The following CD163 variants were observed in gnomAD, a reference collection of about 807,000 sequenced individuals.
CD163 encodes CD163 molecule, also known as scavenger receptor cysteine-rich type 1 protein M130.
A neutral mutation model predicts 129.2 loss-of-function variants in CD163; 64 were observed. The ratio of observed to expected loss-of-function variants is 0.50; its 90% CI spans 0.41 to 0.61. CD163 has a LOEUF of 0.61. Ranked by LOEUF, CD163 falls within the 20% of genes least tolerant of loss-of-function variation. The pLI, the probability that CD163 is intolerant of heterozygous loss-of-function variation, is 0.00. For synonymous variants in CD163, 446 were observed against 478.5 expected, an observed-to-expected ratio of 0.93 and a Z score of 0.89; for missense variants, 1,061 against 1,377.9, an observed-to-expected ratio of 0.77 and a Z score of 3.64.
At chr12:7,484,639 C>CAAA (rs10690784) in intron 11 of CD163, among the ~76,000 whole-genome samples, 4,516 of 99,722 alleles carry the variant, frequency 0.045, 220 homozygotes, top group Middle Eastern at 0.066. Flanking sequence ...AACTCTGTCT[C>CAAA]AAAAAAAAAA....
Position 7,481,190 on chromosome 12 carries a change from G to T in CD163, c.3314C>A (p.Ala1105Glu). 1.9e-6 allele frequency: 3 copies of T among 1,613,818 alleles called. No individual in the cohort carries two copies. Among genetic ancestry groups the T allele is most frequent in the Non-Finnish European group, 2.5e-6 (3 of 1,179,834 alleles). ...GGAATTCATTAGGTCCAGATCATCT[G>T]CATTCAGGCAAGAATTCATCTCCCG... ...QYREMNSCLN[A>E]DDLDLMNSSG... The change falls in exon 15 of 17, where the codon GCA becomes GAA. Residue 1105 changes from alanine to glutamate, a missense_variant. By Grantham distance (107) the Ala-to-Glu change is moderately radical (BLOSUM62 -1). Transcript: ENST00000432237.
intron 16 of CD163, among the ~76,000 whole-genome samples, chr12:7,478,946 G>A (rs1050499402): frequency 9.9e-5 from 15 of 151,904 alleles, no homozygotes; most frequent in African/African-American, 3.1e-4. Context: ...TTCTCTTGAT[G>A]TATAGCTTAA....
Position 7,487,082 on chromosome 12 carries a change from G to A in CD163, c.2051-96C>T, listed in dbSNP as rs149375865. 1 of 969,580 alleles carries A rather than the reference G, an allele frequency of 1.0e-6. No homozygotes were observed. The highest frequency in any genetic ancestry group is 1.6e-5 in the South Asian group (1 of 63,804). 60.1% of individuals were successfully genotyped at this position (969,580 alleles called of 1,614,324 possible). A position where few individuals can be genotyped will look rare whatever the true frequency, so the allele number is the denominator to read the frequency against. ...ATGAGTTGAGGACAAACATAGCTTA[G>A]AGAGAGAGGGGAAGGTGGATGGTCA... On this transcript the variant is annotated intron_variant, in intron 8 of 16. Transcript: ENST00000432237. This position sits in a 1 kb window ranked among gnomAD's most constrained non-coding sequence, Gnocchi z 5.1.
chr12:7,501,488 T>C, intron 2 of CD163, 26 bp from the exon 3 acceptor site: 3 of 1,575,064 alleles, frequency 1.9e-6, no homozygotes, highest in Non-Finnish European at 2.6e-6. Context: ...AAGACAGTAA[T>C]TGGCCAAGGT....
intron 3 of CD163, among the ~76,000 whole-genome samples, chr12:7,500,596 T>A (rs2136744511): frequency 6.6e-6 from 1 of 152,254 alleles, no homozygotes; most frequent in South Asian, 2.1e-4. Flanking sequence ...TTTTGTAAAT[T>A]AAAAGCACAA....
chr12:7,475,166 A>G (rs1293594121), intron 16 of CD163, among the ~76,000 whole-genome samples: 2 of 151,864 alleles, frequency 1.3e-5, no homozygotes, highest in Non-Finnish European at 2.9e-5. Context: ...GGTACAAAGA[A>G]GAGCAAATAC....
chr12:7,487,735 AG>A lies in CD163; in HGVS notation c.1735+37del. ...GACTCCCTAACCCTGTCCCTTTCAC[AG>A]TATGAGAACCAATTAAAGATGTTTT... On this transcript the variant is annotated intron_variant, in intron 7 of 16. Transcript: ENST00000432237. This position sits in a 1 kb window ranked among gnomAD's most constrained non-coding sequence, Gnocchi z 5.1. 3 of 1,614,044 alleles carry A rather than the reference AG, an allele frequency of 1.9e-6. No homozygotes were observed. Among genetic ancestry groups the A allele is most frequent in the Non-Finnish European group, 1.7e-6 (2 of 1,180,016 alleles).
intron 16 of CD163, among the ~76,000 whole-genome samples, chr12:7,479,571 A>G (rs1242996464): frequency 6.6e-6 from 1 of 152,082 alleles, no homozygotes; most frequent in Non-Finnish European, 1.5e-5. Context: ...TTTTTCCTGA[A>G]ATGATACCTG....
rs1213631225 is a variant in CD163, at chr12:7,495,106, A to C, written c.1395T>G (p.Tyr465Ter). Residue 465 changes from tyrosine (Y) to a stop codon, truncating the protein, a stop_gained, in exon 6 of 17, where the codon TAT becomes TAG. Coordinates refer to ENST00000432237, the MANE Select transcript of CD163 (RefSeq NM_203416.4). LOFTEE classifies it high-confidence loss of function. ...CTGAGCAGGTAATTTTGGCTTCTTC[A>C]TAGTGATCACAGGTAAGTCCACCCC... Reference protein sequence around the residue: ...WQWGGLTCDHYEEAKITCSAH... With the variant: ...WQWGGLTCDH The C allele has an allele frequency of 5.0e-6, 8 of 1,614,128 alleles. No individual in the cohort carries two copies. Among genetic ancestry groups the C allele is most frequent in the Non-Finnish European group, 6.8e-6 (8 of 1,179,950 alleles).
intron 16 of CD163, among the ~76,000 whole-genome samples, chr12:7,478,568 T>G (rs990536112): frequency 1.3e-5 from 2 of 152,166 alleles, no homozygotes; most frequent in African/African-American, 4.8e-5. Flanking sequence ...TCACATATAT[T>G]AACCCTTTTG....
At chr12:7,484,244 T>A (rs995234018) in intron 11 of CD163, among the ~76,000 whole-genome samples, 3 of 152,118 alleles carry the variant, frequency 2.0e-5, no homozygotes, top group Non-Finnish European at 4.4e-5. Context: ...ACCCAGTAAA[T>A]GTTAAATGAT....
In CD163 at chr12:7,499,043, T is replaced by A. The variant is rs1426011005; in HGVS notation, c.603A>T (p.Glu201Asp). 6.2e-7 allele frequency: 1 copy of A among 1,614,190 alleles called. No individual in the cohort carries two copies. The highest frequency in any genetic ancestry group is 8.5e-7 in the Non-Finnish European group (1 of 1,180,020). The change falls in exon 4 of 17, where the codon GAA (glutamate) becomes GAT (aspartate). Residue 201 changes from glutamate (E) to aspartate (D), a missense_variant. Transcript: ENST00000432237. ...CAGAGAAACTGACAGCACTTCCACA[T>A]TCAAGTTGTCTACAAATGACAGATG... is the stretch of plus-strand genomic sequence containing the variant. Reference protein sequence around the residue: ...DHASVICRQLECGSAVSFSGS... With the variant: ...DHASVICRQLDCGSAVSFSGS...
At chr12:7,486,064 G>A (rs1949243952) in intron 10 of CD163, among the ~76,000 whole-genome samples, 1 of 152,116 alleles carries the variant, frequency 6.6e-6, no homozygotes, top group South Asian at 2.1e-4. Context: ...TGACAAGTAA[G>A]TCTCATTTAT....
intron 6 of CD163, among the ~76,000 whole-genome samples, chr12:7,489,537 T>C (rs1208861033): frequency 2.6e-5 from 4 of 152,110 alleles, no homozygotes; most frequent in Admixed American, 2.6e-4. Context: ...ACCTATAATG[T>C]AACAACCTGT....
chr12:7,496,731 C>T lies in CD163; in HGVS notation c.1099+82G>A. On this transcript the variant is annotated intron_variant, in intron 5 of 16. Transcript: ENST00000432237. This position sits in a 1 kb window ranked among gnomAD's most constrained non-coding sequence, Gnocchi z 4.8. ...ATTTCTACTTCTTAAGGAGCACGTT[C>T]CTACTCTTAAGGAGCACAGGACTTT... is the stretch of plus-strand genomic sequence containing the variant. The T allele has an allele frequency of 8.4e-7, 1 of 1,188,084 alleles. No individual in the cohort carries two copies. The highest frequency in any genetic ancestry group is 1.2e-6 in the Non-Finnish European group (1 of 806,722). The allele number at this position is 1,188,084 out of a possible 1,614,324, so 73.6% of individuals were successfully genotyped here.
intron 6 of CD163, 39 bp from the exon 7 acceptor site, chr12:7,488,126 T>C: frequency 1.3e-6 from 2 of 1,519,054 alleles, no homozygotes; most frequent in Non-Finnish European, 1.8e-6. Context: ...GGTAATATGA[T>C]TTCCAGATTT....
Position 7,483,487 on chromosome 12 carries a change from G to A in CD163, c.2968C>T (p.Pro990Ser), listed in dbSNP as rs1463440440. 6.2e-7 allele frequency: 1 copy of A among 1,613,846 alleles called. No homozygotes were observed. The change falls in exon 12 of 17, where the codon CCG becomes TCG. Residue 990 changes from proline (P) to serine (S), a missense_variant. Physicochemically the swap from Pro to Ser is moderately conservative, Grantham distance 74. Coordinates refer to ENST00000432237, the MANE Select transcript of CD163 (RefSeq NM_203416.4). ...CACTTCACTTCATTGAGCCATATCGGTCCAGTCCCCTGACCAAACTCTGCT... is the reference window on the plus strand; with the variant it reads ...CACTTCACTTCATTGAGCCATATCGATCCAGTCCCCTGACCAAACTCTGCT... Reference protein sequence around the residue: ...KEAEFGQGTGPIWLNEVKCKG... With the variant: ...KEAEFGQGTGSIWLNEVKCKG...
At position 7,488,085 on chromosome 12, in the gene CD163, G is replaced by A; in HGVS notation, c.1423C>T (p.His475Tyr). The change falls in exon 7 of 17, where the codon CAC becomes TAC. Residue 475 changes from histidine to tyrosine, a missense_variant and splice_region_variant. His to Tyr is a moderately conservative substitution (Grantham distance 83, BLOSUM62 2). Transcript: ENST00000432237. ...CCTCCAACCAGTCTGGGTTCCCTGT[G>A]GGCTGAAAAATAAATATTATTTCAG... ...YEEAKITCSA[H>Y]REPRLVGGDI... The A allele has an allele frequency of 6.2e-7, 1 of 1,602,508 alleles. No individual in the cohort carries two copies. The highest frequency in any genetic ancestry group is 8.5e-7 in the Non-Finnish European group (1 of 1,175,102).
At position 7,487,404 on chromosome 12, in the gene CD163, C is replaced by A. The variant is rs1171127270; in HGVS notation, c.2005G>T (p.Ala669Ser). ...MGDCPVTALG[A>S]SLCPSEQVAS... ...ACTTGCTCTGAAGGACATAATGAAG[C>A]ACCTAGAGCAGTTACAGGACAATCT... is the stretch of plus-strand genomic sequence containing the variant. The change falls in exon 8 of 17, where the codon GCT (alanine) becomes TCT (serine). Residue 669 changes from alanine (A) to serine (S), a missense_variant. Physicochemically the swap from Ala to Ser is moderately conservative, Grantham distance 99 (BLOSUM62 1). Coordinates refer to ENST00000432237, the MANE Select transcript of CD163 (RefSeq NM_203416.4). The surrounding 1 kb of genome is among the most constrained non-coding windows in gnomAD (Gnocchi z 5.1). 6.8e-6 allele frequency: 11 copies of A among 1,608,116 alleles called. No individual in the cohort carries two copies. Among genetic ancestry groups the A allele is most frequent in the Non-Finnish European group, 9.3e-6 (11 of 1,177,266 alleles).
Sources: gnomAD v4.1 joint callset for allele counts (sites outside exome capture counted in the v4.1 genomes callset) on GRCh38, gnomAD v4.1.1 for gene constraint, Gnocchi (gnomAD v3.1) non-coding constraint, MANE v1.5 for transcripts, NCBI Gene and HGNC (gene_info 2026-07-23, HGNC 2026-07-21) for gene names.